LAMA1: variants seen among roughly 807,000 people sequenced by gnomAD.
LAMA1 encodes the protein laminin subunit alpha 1.
Under a neutral mutation model 348.7 loss-of-function variants are expected in LAMA1, and 219 were observed. The observed-to-expected ratio is 0.63, with a 90% CI of 0.56 to 0.70. The LOEUF is 0.70. LAMA1 is among the 30% of genes least tolerant of loss of function. The pLI, the probability that LAMA1 is intolerant of heterozygous loss-of-function variation, is 0.00. For missense variants in LAMA1, 3,744 were observed against 3,888.0 expected, an observed-to-expected ratio of 0.96 and a Z score of 0.99; for synonymous variants, 1,487 against 1,491.0, an observed-to-expected ratio of 1.00 and a Z score of 0.06.
chr18:7,071,508 C>T (rs1185810840), intron 3 of LAMA1, among the ~76,000 whole-genome samples: 2 of 152,046 alleles, frequency 1.3e-5, no homozygotes, highest in East Asian at 3.8e-4. Flanking sequence ...CGAAATGAAC[C>T]TTTTTTCACT....
intron 36 of LAMA1, among the ~76,000 whole-genome samples, chr18:6,988,778 A>G (rs1047568317): frequency 7.1e-6 from 1 of 140,192 alleles, no homozygotes; most frequent in African/African-American, 2.7e-5. Flanking sequence ...CTGAACCCCA[A>G]CCTGGGAGAC....
intron 58 of LAMA1, 60 bp from the exon 59 acceptor site, chr18:6,949,319 G>C (rs903142275): frequency 2.0e-6 from 3 of 1,507,656 alleles, no homozygotes; most frequent in Non-Finnish European, 1.8e-6. Flanking sequence ...TTTAACAGAT[G>C]TATAAACTTT....
intron 18 of LAMA1, among the ~76,000 whole-genome samples, chr18:7,023,728 G>T (rs1358407155): frequency 6.6e-6 from 1 of 152,166 alleles, no homozygotes; most frequent in Non-Finnish European, 1.5e-5. Flanking sequence ...TCAGGAGCCA[G>T]AAGACGGCTA....
chr18:7,091,326 C>T (rs1598315053), intron 1 of LAMA1, among the ~76,000 whole-genome samples: 1 of 152,274 alleles, frequency 6.6e-6, no homozygotes, highest in African/African-American at 2.4e-5. Flanking sequence ...TCTCCTAAAT[C>T]CTTACAGGTG....
intron 1 of LAMA1, among the ~76,000 whole-genome samples, chr18:7,113,162 T>C (rs774889293): frequency 1.3e-5 from 2 of 152,106 alleles, no homozygotes; most frequent in Non-Finnish European, 2.9e-5. Flanking sequence ...GCCCTGTGAG[T>C]ACAGGGAAGG....
intron 1 of LAMA1, among the ~76,000 whole-genome samples, chr18:7,085,708 G>A (rs528951590): frequency 1.2e-4 from 19 of 152,132 alleles, no homozygotes; most frequent in South Asian, 2.1e-4. Context: ...GTGAGCCACC[G>A]CTCCTGGCCT....
At chr18:7,091,117 CAAGT>C (rs2058238218) in intron 1 of LAMA1, among the ~76,000 whole-genome samples, 2 of 152,166 alleles carry the variant, frequency 1.3e-5, no homozygotes, top group South Asian at 4.1e-4. Context: ...ATTTAGTATA[CAAGT>C]TTAGTTGGCA....
chr18:6,949,063 A>C, intron 59 of LAMA1, 38 bp downstream of exon 59: 1 of 1,613,582 alleles, frequency 6.2e-7, no homozygotes, highest in Non-Finnish European at 8.5e-7. Context: ...ACACGAACAC[A>C]ACGAAGGTAA....
intron 39 of LAMA1, among the ~76,000 whole-genome samples, chr18:6,984,792 C>G (rs1161288531): frequency 1.3e-5 from 2 of 152,086 alleles, no homozygotes; most frequent in Non-Finnish European, 2.9e-5. Context: ...AAGAGACTCC[C>G]AACACTTCTA....
At chr18:7,092,978 A>G (rs1457808391) in intron 1 of LAMA1, among the ~76,000 whole-genome samples, 1 of 152,166 alleles carries the variant, frequency 6.6e-6, no homozygotes, top group Non-Finnish European at 1.5e-5. Context: ...GAAGGAGTAT[A>G]TTTTCCCAAA....
intron 31 of LAMA1, 59 bp downstream of exon 31, chr18:6,999,852 A>G (rs778999248): frequency 4.7e-6 from 7 of 1,479,570 alleles, no homozygotes; most frequent in Non-Finnish European, 6.6e-6. Context: ...AATATGCCCA[A>G]TACCTTATAA....
At chr18:7,011,211 G>T in intron 25 of LAMA1, 89 bp downstream of exon 25, 2 of 1,423,416 alleles carry the variant, frequency 1.4e-6, no homozygotes, top group Non-Finnish European at 1.9e-6. Flanking sequence ...TTCTTTAAAT[G>T]ACAGGCCGGC....
At chr18:6,987,986 T>C (rs540264903) in intron 36 of LAMA1, among the ~76,000 whole-genome samples, 13 of 152,226 alleles carry the variant, frequency 8.5e-5, no homozygotes, top group African/African-American at 2.9e-4. Context: ...TGGTGGTGCG[T>C]GCCTGTAGTC....
At chr18:6,974,197 G>A (rs561191679) in intron 46 of LAMA1, among the ~76,000 whole-genome samples, 1 of 151,758 alleles carries the variant, frequency 6.6e-6, no homozygotes, top group Non-Finnish European at 1.5e-5. Flanking sequence ...TTCTCCTGCA[G>A]TAAGAAAAAA....
intron 8 of LAMA1, 37 bp downstream of exon 8, chr18:7,043,190 A>T: frequency 6.2e-7 from 1 of 1,605,450 alleles, no homozygotes. Flanking sequence ...CCTGGGGAAG[A>T]TGATGAAGAT....
Position 6,947,055 on chromosome 18 carries a change from G to C in LAMA1, c.8844+108C>G. 4.2e-6 allele frequency: 6 copies of C among 1,430,344 alleles called. No homozygotes were observed. The Admixed American group carries it at 1.0e-4, about 24-fold the overall frequency. 88.6% of individuals were successfully genotyped at this position (1,430,344 alleles called of 1,614,324 possible). ...TTTTTAAAATAGTAATGGGACCATT[G>C]TTTGACTCCATGAAAATAGATAGTT... On this transcript the variant is annotated intron_variant, in intron 61 of 62. Transcript: ENST00000389658.
chr18:6,965,254 G>T, intron 50 of LAMA1, 34 bp downstream of exon 50: 1 of 1,613,624 alleles, frequency 6.2e-7, no homozygotes, highest in South Asian at 1.1e-5. Flanking sequence ...TTATGAGGGT[G>T]ACCGACATCT....
chr18:7,045,981 C>A (rs1378259713), intron 6 of LAMA1, among the ~76,000 whole-genome samples: 6 of 149,256 alleles, frequency 4.0e-5, no homozygotes, highest in Admixed American at 6.7e-5. Flanking sequence ...TTCTTACAGA[C>A]AGAAGGGCTT....
chr18:7,027,379 A>G lies in LAMA1; in HGVS notation c.2275-1273T>C, dbSNP rs115609505. Among the ~76,000 whole-genome samples the G allele has an allele frequency of 6.4e-3, 978 of 152,322 alleles. 6 individuals are homozygous for G. The highest frequency in any genetic ancestry group is 0.017 in the Middle Eastern group (5 of 294). ...AGACAGATAATGATATTAATAAGGC[A>G]AATGGGGAAAATGGCAACAACACGG... On this transcript the variant is annotated intron_variant, in intron 16 of 62. Transcript: ENST00000389658.
Sources: gnomAD v4.1 joint callset for allele counts (sites outside exome capture counted in the v4.1 genomes callset) on GRCh38, gnomAD v4.1.1 for gene constraint, MANE v1.5 for transcripts, NCBI Gene and HGNC (gene_info 2026-07-23, HGNC 2026-07-21) for gene names.